The following CNTN4 variants were observed in gnomAD, a reference collection of about 807,000 sequenced individuals.
CNTN4 encodes contactin 4, also known as contactin-4.
In CNTN4, 77 loss-of-function variants were observed where a neutral mutation model predicts 122.5. That is an observed-to-expected ratio of 0.63 (90% CI 0.52 to 0.76). The LOEUF (loss-of-function observed/expected upper bound fraction) is 0.76, where lower values mean the gene tolerates loss of function less well. Ranked by LOEUF, CNTN4 falls within the 30% of genes least tolerant of loss-of-function variation. The pLI is 0.00. For synonymous variants in CNTN4, 512 were observed against 447.0 expected (o/e 1.15, Z -1.83); for missense variants, 1,256 against 1,259.1 (o/e 1.00, Z 0.04).
chr3:2,739,151 A>G (rs771943682), intron 5 of CNTN4, among the ~76,000 whole-genome samples: 3 of 152,166 alleles, frequency 2.0e-5, no homozygotes, highest in Non-Finnish European at 4.4e-5. Context: ...TGTCAATATC[A>G]TTAGTGAACA....
chr3:2,816,851 C>T (rs6414446), intron 6 of CNTN4, among the ~76,000 whole-genome samples: 39,621 of 143,424 alleles, frequency 0.28, 5,888 homozygotes, highest in African/African-American at 0.34. Context: ...AAGAACTTAC[C>T]CATGTAACCA....
intron 4 of CNTN4, among the ~76,000 whole-genome samples, chr3:2,673,904 G>C (rs1358735490): frequency 1.3e-5 from 2 of 152,088 alleles, no homozygotes; most frequent in Non-Finnish European, 1.5e-5. Context: ...GTTGCTTTGA[G>C]ACCTCCATGG....
At chr3:2,945,153 T>A (rs2151541182) in intron 13 of CNTN4, among the ~76,000 whole-genome samples, 1 of 152,220 alleles carries the variant, frequency 6.6e-6, no homozygotes, top group Non-Finnish European at 1.5e-5. Flanking sequence ...AGGAGGGAAA[T>A]CTGGGTAGAG....
chr3:2,257,153 A>T (rs1362371394), intron 2 of CNTN4, among the ~76,000 whole-genome samples: 1 of 152,240 alleles, frequency 6.6e-6, no homozygotes, highest in African/African-American at 2.4e-5. Context: ...CACCCATCTG[A>T]TCTTTGACTA....
At chr3:3,043,299 A>G (rs140510927) in intron 22 of CNTN4, 136 bp downstream of exon 22, 2 of 915,986 alleles carry the variant, frequency 2.2e-6, no homozygotes, top group East Asian at 5.2e-5. Flanking sequence ...CAGCATTTTA[A>G]CTGAACCTTT....
intron 4 of CNTN4, among the ~76,000 whole-genome samples, chr3:2,583,279 T>G (rs1368730630): frequency 1.3e-5 from 2 of 152,192 alleles, no homozygotes; most frequent in East Asian, 3.9e-4. Flanking sequence ...CAGGGAGCAT[T>G]TCACAGATTG....
chr3:2,425,249 A>G (rs1250737063), intron 3 of CNTN4, among the ~76,000 whole-genome samples: 1 of 152,146 alleles, frequency 6.6e-6, no homozygotes, highest in Non-Finnish European at 1.5e-5. Flanking sequence ...ATTTTTGTAT[A>G]AGGTGTAAGG....
chr3:2,735,879 G>A, intron 4 of CNTN4: 1 of 461,104 alleles, frequency 2.2e-6, no homozygotes, highest in South Asian at 1.6e-5. Context: ...TAGCACAAAA[G>A]GGATACGGGA....
At chr3:2,383,965 C>A (rs763369019) in intron 3 of CNTN4, among the ~76,000 whole-genome samples, 1 of 152,068 alleles carries the variant, frequency 6.6e-6, no homozygotes, top group African/African-American at 2.4e-5. Flanking sequence ...TATATCACAA[C>A]CATTTGATAC....
intron 13 of CNTN4, among the ~76,000 whole-genome samples, chr3:2,986,366 A>T (rs1217981310): frequency 6.6e-6 from 1 of 152,190 alleles, no homozygotes; most frequent in Non-Finnish European, 1.5e-5. Flanking sequence ...AGGAAGTAAA[A>T]ACTGAGAAAG....
intron 4 of CNTN4, among the ~76,000 whole-genome samples, chr3:2,583,516 G>A (rs561627896): frequency 4.5e-4 from 68 of 152,268 alleles, no homozygotes; most frequent in African/African-American, 1.5e-3. Context: ...AAATGAAAAT[G>A]AATTTTATTA....
chr3:2,328,818 C>T (rs1161390912), intron 2 of CNTN4, among the ~76,000 whole-genome samples: 1 of 152,110 alleles, frequency 6.6e-6, no homozygotes. Flanking sequence ...TACGACATCA[C>T]TTTATATAAG....
At chr3:2,725,045 A>G (rs138678851) in intron 4 of CNTN4, among the ~76,000 whole-genome samples, 2 of 152,346 alleles carry the variant, frequency 1.3e-5, no homozygotes, top group African/African-American at 4.8e-5. Flanking sequence ...TAGATCATTT[A>G]TACCTCCTAT....
chr3:2,961,034 T>G (rs1364082802), intron 13 of CNTN4, among the ~76,000 whole-genome samples: 5 of 118,308 alleles, frequency 4.2e-5, no homozygotes, highest in Non-Finnish European at 9.3e-5. Context: ...ATCGAGACCA[T>G]CCTGGCTAAC....
intron 2 of CNTN4, among the ~76,000 whole-genome samples, chr3:2,234,148 G>A (rs948379420): frequency 6.6e-6 from 1 of 152,026 alleles, no homozygotes; most frequent in Non-Finnish European, 1.5e-5. Flanking sequence ...GGAGGCCAAG[G>A]CGAGTGGATC....
At chr3:2,181,933 A>G (rs1234443840) in intron 2 of CNTN4, among the ~76,000 whole-genome samples, 2 of 152,120 alleles carry the variant, frequency 1.3e-5, no homozygotes, top group Non-Finnish European at 2.9e-5. Flanking sequence ...TCTATATGTC[A>G]TTGCTGGTTC....
At position 3,038,998 on chromosome 3, in the gene CNTN4, TG is replaced by T; in HGVS notation, c.2161del (p.Glu721ArgfsTer25). ...CAGCAAATCTGAACTGGTTATAACCTGGGAGGTAAATGAATCACAGAATAAA... is the reference window on the plus strand; with the variant it reads ...CAGCAAATCTGAACTGGTTATAACCTGGAGGTAAATGAATCACAGAATAAA... ...GGSKSELVIT[W>X]ETVPEELQNG... On this transcript the variant is annotated frameshift_variant, in exon 19 of 25. Transcript: ENST00000418658. LOFTEE classifies it high-confidence loss of function. The T allele has an allele frequency of 2.5e-6, 4 of 1,613,240 alleles. No individual in the cohort carries two copies. Among genetic ancestry groups the T allele is most frequent in the Non-Finnish European group, 3.4e-6 (4 of 1,179,146 alleles).
intron 2 of CNTN4, among the ~76,000 whole-genome samples, chr3:2,200,665 G>T (rs1386539722): frequency 6.6e-6 from 1 of 152,166 alleles, no homozygotes; most frequent in African/African-American, 2.4e-5. Flanking sequence ...AAAGCAGGAT[G>T]AAAGTTTTAA....
intron 3 of CNTN4, among the ~76,000 whole-genome samples, chr3:2,356,286 T>C (rs1483860376): frequency 6.6e-6 from 1 of 152,162 alleles, no homozygotes; most frequent in Non-Finnish European, 1.5e-5. Flanking sequence ...CAGTGGCATG[T>C]GTAGCTGGGT....
Sources: allele counts gnomAD v4.1 joint callset (sites outside exome capture counted in the v4.1 genomes callset), GRCh38; gene constraint gnomAD v4.1.1; transcripts MANE v1.5; gene names NCBI Gene and HGNC (gene_info 2026-07-23, HGNC 2026-07-21).